ANLN: variants seen among roughly 807,000 people sequenced by gnomAD.
The protein encoded by ANLN is anillin, actin binding protein, also known as anillin.
A neutral mutation model predicts 135.1 loss-of-function variants in ANLN; 59 were observed. The ratio of observed to expected loss-of-function variants is 0.44; its 90% CI spans 0.35 to 0.54. ANLN has a LOEUF of 0.54. Among genes scored for constraint, ANLN ranks in the 20% least tolerant of loss-of-function variants. The pLI is 0.00. For synonymous variants in ANLN, 406 were observed against 456.4 expected, an observed-to-expected ratio of 0.89 and a Z score of 1.41; for missense variants, 1,182 against 1,340.0, an observed-to-expected ratio of 0.88 and a Z score of 1.84.
intron 14 of ANLN, 92 bp downstream of exon 14, chr7:36,422,901 C>T (rs1353921228): frequency 3.3e-6 from 4 of 1,224,916 alleles, no homozygotes; most frequent in Middle Eastern, 2.0e-4. Context: ...TCATGCATAA[C>T]AATGCAAAGT....
chr7:36,423,966 G>T, intron 15 of ANLN, 23 bp downstream of exon 15: 1 of 1,596,892 alleles, frequency 6.3e-7, no homozygotes, highest in Non-Finnish European at 8.5e-7. Flanking sequence ...GGCTTTTGAT[G>T]ATTCGAATGC....
chr7:36,417,499 C>A (rs1050131523), intron 9 of ANLN, among the ~76,000 whole-genome samples: 3 of 151,860 alleles, frequency 2.0e-5, no homozygotes, highest in African/African-American at 7.3e-5. Flanking sequence ...GTTTTCATAC[C>A]ACCACAACAA....
intron 1 of ANLN, chr7:36,390,322 T>C (rs1786383044): frequency 1.9e-6 from 1 of 516,554 alleles, no homozygotes; most frequent in African/African-American, 1.9e-5. Flanking sequence ...CCCCCGTTTT[T>C]ACCATGTCCC....
chr7:36,389,989 C>A lies in ANLN; in HGVS notation c.-38C>A. The A allele has an allele frequency of 1.2e-6, 2 of 1,614,106 alleles. No homozygotes were observed. The highest frequency in any genetic ancestry group is 8.5e-7 in the Non-Finnish European group (1 of 1,179,968). ...CACTTTTCTCTTCCTGAATTTGAAC[C>A]ACCGTTTCCATCGTCTCGTAGTCCG... On this transcript the variant is annotated 5_prime_UTR_variant, in exon 1 of 24. Coordinates refer to ENST00000265748, the MANE Select transcript of ANLN (RefSeq NM_018685.5).
intron 20 of ANLN, among the ~76,000 whole-genome samples, chr7:36,427,509 G>A (rs10236965): frequency 0.15 from 22,348 of 151,800 alleles, 1,713 homozygotes; most frequent in Admixed American, 0.19. Context: ...GTGATGCCAC[G>A]CCTGGCTAAT....
At position 36,409,029 on chromosome 7, in the gene ANLN, G is replaced by A. The variant is rs1787302674; in HGVS notation, c.1096+1073G>A. Among the ~76,000 whole-genome samples, 4 of 152,160 alleles carry A rather than the reference G, an allele frequency of 2.6e-5. No individual in the cohort carries two copies. The South Asian group carries it at 8.3e-4, about 31-fold the overall frequency. On this transcript the variant is annotated intron_variant, in intron 5 of 23. Coordinates refer to ENST00000265748, the MANE Select transcript of ANLN (RefSeq NM_018685.5). Reference sequence around the variant, plus strand: ...AAAGGGGCAGTAAACAGAAATGAGAGTGGGGAAGCGGTTATGGGGTAGGTA... The same window carrying A: ...AAAGGGGCAGTAAACAGAAATGAGAATGGGGAAGCGGTTATGGGGTAGGTA...
intron 21 of ANLN, among the ~76,000 whole-genome samples, chr7:36,443,132 C>A (rs920725868): frequency 1.3e-5 from 2 of 152,208 alleles, no homozygotes; most frequent in East Asian, 1.9e-4. Flanking sequence ...AGCACTACTG[C>A]CTTGCCTACC....
chr7:36,448,823 A>G (rs1238883822), intron 22 of ANLN: 1 of 152,178 alleles, frequency 6.6e-6, no homozygotes, highest in Non-Finnish European at 1.5e-5. Context: ...GTGTGTGCAT[A>G]TTTATATATT....
chr7:36,407,427 T>C (rs1357718632), intron 4 of ANLN, among the ~76,000 whole-genome samples: 1 of 152,174 alleles, frequency 6.6e-6, no homozygotes, highest in Admixed American at 6.5e-5. Context: ...TTGATAAAGG[T>C]ACTAGTGCAA....
intron 3 of ANLN, among the ~76,000 whole-genome samples, chr7:36,400,168 G>T (rs1353709509): frequency 6.6e-6 from 1 of 152,202 alleles, no homozygotes; most frequent in Non-Finnish European, 1.5e-5. Flanking sequence ...ACATGAAACA[G>T]TTATCAGTTA....
intron 9 of ANLN, among the ~76,000 whole-genome samples, chr7:36,418,718 A>T (rs935503850): frequency 3.3e-5 from 5 of 151,708 alleles, no homozygotes; most frequent in Non-Finnish European, 7.4e-5. Flanking sequence ...CAGTTTTGAT[A>T]GACCCAATAT....
rs200214341 is a variant in ANLN, at chr7:36,419,375, C to G, written c.1765C>G (p.Gln589Glu). 1.9e-6 allele frequency: 3 copies of G among 1,614,040 alleles called. No homozygotes were observed. The highest frequency in any genetic ancestry group is 2.5e-6 in the Non-Finnish European group (3 of 1,179,976). The change falls in exon 10 of 24, where the codon CAA becomes GAA. Residue 589 changes from glutamine to glutamate, a missense_variant. Physicochemically the swap from Gln to Glu is conservative, Grantham distance 29 (BLOSUM62 2). Coordinates refer to ENST00000265748, the MANE Select transcript of ANLN (RefSeq NM_018685.5). ...GGAGAAGAGCCAAGAGGAGATGGAT[C>G]AAGCATTAGCAGAAAGCAGCGAAGA... The part of the protein sequence containing the change: ...DMEKSQEEMD[Q>E]ALAESSEEQE...
At chr7:36,400,036 C>T (rs948809768) in intron 3 of ANLN, among the ~76,000 whole-genome samples, 5 of 149,632 alleles carry the variant, frequency 3.3e-5, no homozygotes, top group African/African-American at 2.5e-5. Context: ...TATTTTGAAA[C>T]CAGAAAAATG....
chr7:36,409,564 A>G (rs930281078), intron 5 of ANLN, among the ~76,000 whole-genome samples: 1 of 152,110 alleles, frequency 6.6e-6, no homozygotes, highest in African/African-American at 2.4e-5. Flanking sequence ...TTATAATACA[A>G]CCTTAGAATC....
intron 3 of ANLN, among the ~76,000 whole-genome samples, chr7:36,404,827 C>T (rs920555524): frequency 2.6e-5 from 4 of 152,172 alleles, no homozygotes; most frequent in African/African-American, 9.6e-5. Flanking sequence ...GTGGCATATA[C>T]AGTGTGGATA....
intron 1 of ANLN, among the ~76,000 whole-genome samples, chr7:36,392,512 G>A (rs369563290): frequency 0.028 from 1,232 of 44,018 alleles, 16 homozygotes; most frequent in Non-Finnish European, 0.039. Flanking sequence ...TTATTGCAGT[G>A]GTTTTTTTTT....
At chr7:36,391,705 C>T (rs953913842) in intron 1 of ANLN, among the ~76,000 whole-genome samples, 1 of 152,210 alleles carries the variant, frequency 6.6e-6, no homozygotes, top group Non-Finnish European at 1.5e-5. Context: ...GGTTTCCTCT[C>T]AGAACCATGG....
chr7:36,409,969 G>C (rs1008075677), intron 5 of ANLN, among the ~76,000 whole-genome samples: 36 of 152,042 alleles, frequency 2.4e-4, no homozygotes, highest in Non-Finnish European at 5.0e-4. Context: ...ACTGCACCCC[G>C]CTGAATACTA....
In ANLN at chr7:36,439,201, C is replaced by T. The variant is rs752260371; in HGVS notation, c.2884-3C>T. On this transcript the variant is annotated splice_region_variant and splice_polypyrimidine_tract_variant and intron_variant, in intron 20 of 23. Coordinates refer to ENST00000265748, the MANE Select transcript of ANLN (RefSeq NM_018685.5). ...GCAAATAATTTACCTGTTTTCTTTG[C>T]AGGTCCCCTTTTTATCTTCTTTGGA... The T allele has an allele frequency of 6.5e-7, 1 of 1,545,356 alleles. No individual in the cohort carries two copies. Among genetic ancestry groups the T allele is most frequent in the Non-Finnish European group, 8.9e-7 (1 of 1,127,546 alleles).
Sources: allele counts gnomAD v4.1 joint callset (sites outside exome capture counted in the v4.1 genomes callset), GRCh38; gene constraint gnomAD v4.1.1; transcripts MANE v1.5; gene names NCBI Gene and HGNC (gene_info 2026-07-23, HGNC 2026-07-21).